Variants in PDE10A observed in about 807,000 individuals in gnomAD.
PDE10A encodes cAMP and cAMP-inhibited cGMP 3',5'-cyclic phosphodiesterase 10A.
A neutral mutation model predicts 97.7 loss-of-function variants in PDE10A; 39 were observed. That is an observed-to-expected ratio of 0.40 (90% CI 0.31 to 0.52). The LOEUF is 0.52. Ranked by LOEUF, PDE10A falls within the 20% of genes least tolerant of loss-of-function variation. PDE10A has a pLI of 0.56. For synonymous variants in PDE10A, 371 were observed against 376.8 expected, an observed-to-expected ratio of 0.98 and a Z score of 0.18; for missense variants, 731 against 1,047.8, an observed-to-expected ratio of 0.70 and a Z score of 4.17.
intron 1 of PDE10A, among the ~76,000 whole-genome samples, chr6:165,656,114 C>G (rs1022547497): frequency 5.3e-5 from 8 of 151,952 alleles, no homozygotes; most frequent in African/African-American, 1.9e-4. Context: ...GGGCACCATA[C>G]AAGCAGAGAC....
intron 1 of PDE10A, among the ~76,000 whole-genome samples, chr6:165,876,877 G>C (rs1204647198): frequency 6.6e-6 from 1 of 152,218 alleles, no homozygotes; most frequent in Admixed American, 6.5e-5. Context: ...CCTGAATCCA[G>C]CAAAGGGAGG....
chr6:165,775,501 A>C (rs1157060344), intron 1 of PDE10A: 1 of 152,222 alleles, frequency 6.6e-6, no homozygotes, highest in African/African-American at 2.4e-5. Flanking sequence ...CATCAGCTGG[A>C]AACAAGCCTG....
intron 1 of PDE10A, among the ~76,000 whole-genome samples, chr6:165,684,960 T>C (rs377230833): frequency 6.6e-6 from 1 of 152,218 alleles, no homozygotes; most frequent in South Asian, 2.1e-4. Flanking sequence ...GTTATATGAA[T>C]GGCCATCTAG....
intron 3 of PDE10A, among the ~76,000 whole-genome samples, chr6:165,455,453 C>A (rs548381165): frequency 3.6e-4 from 55 of 152,304 alleles, no homozygotes; most frequent in South Asian, 1.2e-3. Flanking sequence ...TTGGAGAAAT[C>A]TGAGGGAAGA....
At chr6:165,438,485 G>A (rs1790204166) in intron 5 of PDE10A, among the ~76,000 whole-genome samples, 1 of 152,170 alleles carries the variant, frequency 6.6e-6, no homozygotes, top group Non-Finnish European at 1.5e-5. Flanking sequence ...ACTGTGCCTG[G>A]CCTATCCTTA....
In PDE10A at chr6:165,331,239, T is replaced by C. The variant is rs919393077; in HGVS notation, c.*1786A>G. ...ATCCATATATATATGTGTGTGTATATATCTAGCCACAGTGGTACTTCTCTC... is the reference window on the plus strand; with the variant it reads ...ATCCATATATATATGTGTGTGTATACATCTAGCCACAGTGGTACTTCTCTC... On this transcript the variant is annotated 3_prime_UTR_variant, in exon 22 of 22. Transcript: ENST00000539869. The C allele has an allele frequency of 2.6e-5, 4 of 152,302 alleles. No homozygotes were observed. The South Asian group carries it at 6.2e-4, about 24-fold the overall frequency. The allele number at this position is 152,302 out of a possible 1,614,324, so 9.4% of individuals were successfully genotyped here. A position where few individuals can be genotyped will look rare whatever the true frequency, so the allele number is the denominator to read the frequency against.
At chr6:165,377,386 A>C (rs1287724972) in intron 18 of PDE10A, among the ~76,000 whole-genome samples, 3 of 152,114 alleles carry the variant, frequency 2.0e-5, no homozygotes, top group Non-Finnish European at 2.9e-5. Flanking sequence ...ATACCTCTAT[A>C]TTATTTGAAT....
rs117658585 is a variant in PDE10A, at chr6:165,974,364, C to T, written c.-615+13165G>A. 4.6e-5 allele frequency among the ~76,000 whole-genome samples: 7 copies of T among 152,284 alleles called. No individual in the cohort carries two copies. In the East Asian group the frequency reaches 1.4e-3, roughly 29 times the overall value. ...ATCTAAAAATGATTGGAACAATCCT[C>T]ATGCACCAGGGGGTATAGTAAGTGC... On this transcript the variant is annotated intron_variant, in intron 1 of 19. Coordinates refer to the PDE10A transcript ENST00000366882.
At chr6:165,485,849 C>G (rs1165029675) in intron 2 of PDE10A, among the ~76,000 whole-genome samples, 1 of 152,174 alleles carries the variant, frequency 6.6e-6, no homozygotes, top group African/African-American at 2.4e-5. Flanking sequence ...CCTCCTCAGC[C>G]TCCCAAAGTG....
intron 17 of PDE10A, among the ~76,000 whole-genome samples, chr6:165,387,316 G>T (rs981722908): frequency 7.2e-5 from 11 of 152,284 alleles, no homozygotes; most frequent in Middle Eastern, 3.4e-3. Context: ...CTGAGGACAT[G>T]AGACCTGGAC....
chr6:165,985,343 GTTTCT>G (rs1471069323), intron 1 of PDE10A, among the ~76,000 whole-genome samples: 2 of 152,216 alleles, frequency 1.3e-5, no homozygotes, highest in Admixed American at 6.5e-5. Flanking sequence ...GTCTGCCTGG[GTTTCT>G]TTTATGTGGA....
intron 1 of PDE10A, among the ~76,000 whole-genome samples, chr6:165,929,596 A>G (rs1783059330): frequency 6.6e-6 from 1 of 152,238 alleles, no homozygotes; most frequent in Non-Finnish European, 1.5e-5. Flanking sequence ...CCATGTGTGC[A>G]GGGCCTTCAG....
intron 18 of PDE10A, among the ~76,000 whole-genome samples, chr6:165,356,996 T>C (rs778928598): frequency 1.8e-4 from 27 of 152,160 alleles, no homozygotes; most frequent in South Asian, 4.1e-4. Context: ...ATATATGAAC[T>C]ATCATCACGG....
intron 1 of PDE10A, among the ~76,000 whole-genome samples, chr6:165,685,530 C>G (rs1791091042): frequency 6.6e-6 from 1 of 152,098 alleles, no homozygotes; most frequent in Admixed American, 6.5e-5. Context: ...GAAATTCTGC[C>G]TGTTCTTCTG....
intron 1 of PDE10A, among the ~76,000 whole-genome samples, chr6:165,827,347 G>A (rs1280091655): frequency 7.9e-5 from 12 of 152,086 alleles, no homozygotes; most frequent in African/African-American, 2.4e-5. Flanking sequence ...AGACCTGTGC[G>A]GGGACAGGAG....
At chr6:165,779,935 C>T (rs979488746) in intron 1 of PDE10A, among the ~76,000 whole-genome samples, 5 of 152,180 alleles carry the variant, frequency 3.3e-5, no homozygotes, top group Admixed American at 2.6e-4. Context: ...CGCTGGGCCA[C>T]GAATGGTTGG....
intron 1 of PDE10A, among the ~76,000 whole-genome samples, chr6:165,915,179 T>G (rs1782570590): frequency 6.6e-6 from 1 of 152,102 alleles, no homozygotes; most frequent in Non-Finnish European, 1.5e-5. Context: ...AAACTGCTTG[T>G]GTACAACTAG....
At chr6:165,897,435 G>A (rs962465390) in intron 1 of PDE10A, among the ~76,000 whole-genome samples, 4 of 152,070 alleles carry the variant, frequency 2.6e-5, no homozygotes, top group African/African-American at 9.7e-5. Context: ...GGGGGAGATA[G>A]GGAGGGTCCC....
chr6:165,485,296 G>T (rs187724174), intron 2 of PDE10A, among the ~76,000 whole-genome samples: 1 of 151,724 alleles, frequency 6.6e-6, no homozygotes, highest in Non-Finnish European at 1.5e-5. Flanking sequence ...GTGAAGCCCC[G>T]TCTCTACTAA....
Sources: gnomAD v4.1 joint callset for allele counts (sites outside exome capture counted in the v4.1 genomes callset) on GRCh38, gnomAD v4.1.1 for gene constraint, MANE v1.5 for transcripts, NCBI Gene and HGNC (gene_info 2026-07-23, HGNC 2026-07-21) for gene names.